The following MDGA2 variants were observed in gnomAD, a reference collection of about 807,000 sequenced individuals.
The protein encoded by MDGA2 is MAM domain-containing glycosylphosphatidylinositol anchor protein 2.
A neutral mutation model predicts 117.8 loss-of-function variants in MDGA2; 40 were observed. That is an observed-to-expected ratio of 0.34 (90% confidence interval 0.26 to 0.44). The LOEUF is 0.44. Among genes scored for constraint, MDGA2 ranks in the 20% least tolerant of loss-of-function variants. The pLI is 1.00. For missense variants in MDGA2, 1,123 were observed against 1,250.6 expected (o/e 0.90, Z 1.54); for synonymous variants, 452 against 439.0 (o/e 1.03, Z -0.37).
intron 3 of MDGA2, among the ~76,000 whole-genome samples, chr14:47,203,076 G>A (rs1242820644): frequency 6.6e-6 from 1 of 151,900 alleles, no homozygotes; most frequent in Non-Finnish European, 1.5e-5. Context: ...GAGAAGAAGA[G>A]TAAAAGCAAT....
chr14:47,498,383 A>G (rs1237319698), intron 1 of MDGA2, among the ~76,000 whole-genome samples: 1 of 152,174 alleles, frequency 6.6e-6, no homozygotes, highest in East Asian at 1.9e-4. Context: ...CAAAATGCTG[A>G]GCAAAGGATA....
At chr14:47,128,572 C>A (rs1305063295) in intron 5 of MDGA2, among the ~76,000 whole-genome samples, 1 of 151,954 alleles carries the variant, frequency 6.6e-6, no homozygotes, top group African/African-American at 2.4e-5. Context: ...TATATGTTAA[C>A]CTGTTTATTC....
chr14:46,866,047 A>T (rs1299981375), intron 14 of MDGA2, among the ~76,000 whole-genome samples: 2 of 151,450 alleles, frequency 1.3e-5, no homozygotes, highest in African/African-American at 4.8e-5. Context: ...ACTACTTTAA[A>T]GTTCATATGG....
intron 1 of MDGA2, among the ~76,000 whole-genome samples, chr14:47,627,688 G>A (rs1203458063): frequency 6.6e-6 from 1 of 152,142 alleles, no homozygotes; most frequent in Non-Finnish European, 1.5e-5. Flanking sequence ...CCGGATAAGA[G>A]AATAAAAGCA....
At chr14:47,068,011 C>A (rs954591771) in intron 6 of MDGA2, among the ~76,000 whole-genome samples, 1 of 152,050 alleles carries the variant, frequency 6.6e-6, no homozygotes, top group Admixed American at 6.5e-5. Context: ...ATACGTTACA[C>A]CCTTCCTGAA....
chr14:47,625,075 C>T (rs1276511882), intron 1 of MDGA2, among the ~76,000 whole-genome samples: 1 of 152,112 alleles, frequency 6.6e-6, no homozygotes, highest in Non-Finnish European at 1.5e-5. Flanking sequence ...CTTACAGGCC[C>T]TAAAAATTAA....
intron 1 of MDGA2, among the ~76,000 whole-genome samples, chr14:47,411,260 GACA>G (rs1211501008): frequency 4.0e-5 from 6 of 151,892 alleles, no homozygotes; most frequent in South Asian, 2.1e-4. Flanking sequence ...TTAGTGGTTA[GACA>G]ACAACAACAA....
chr14:47,590,994 A>C (rs986505549), intron 1 of MDGA2, among the ~76,000 whole-genome samples: 1 of 152,058 alleles, frequency 6.6e-6, no homozygotes, highest in Non-Finnish European at 1.5e-5. Flanking sequence ...TGTTAGAAAA[A>C]AAAAGTCAAT....
intron 1 of MDGA2, among the ~76,000 whole-genome samples, chr14:47,316,394 A>C (rs1420751853): frequency 6.6e-6 from 1 of 152,146 alleles, no homozygotes; most frequent in Non-Finnish European, 1.5e-5. Context: ...TTGCCCATGT[A>C]AAGAAATGAT....
chr14:47,441,246 G>C (rs1893005197), intron 1 of MDGA2, among the ~76,000 whole-genome samples: 1 of 152,152 alleles, frequency 6.6e-6, no homozygotes, highest in African/African-American at 2.4e-5. Context: ...AAGGGCAGCT[G>C]GTCACGGAAA....
intron 1 of MDGA2, among the ~76,000 whole-genome samples, chr14:47,651,615 G>C (rs991693720): frequency 6.6e-6 from 1 of 152,062 alleles, no homozygotes; most frequent in African/African-American, 2.4e-5. Flanking sequence ...ATGTATGGAT[G>C]TATGTAGGGA....
At chr14:46,990,031 T>C (rs1203065895) in intron 8 of MDGA2, among the ~76,000 whole-genome samples, 2 of 152,266 alleles carry the variant, frequency 1.3e-5, no homozygotes, top group South Asian at 2.1e-4. Flanking sequence ...TACTCTTCTA[T>C]ATAATACAAT....
chr14:47,226,016 C>A (rs889020210), intron 2 of MDGA2, among the ~76,000 whole-genome samples: 9 of 151,900 alleles, frequency 5.9e-5, no homozygotes, highest in East Asian at 5.8e-4. Flanking sequence ...TGGCCGGGAG[C>A]AGTGGCTCAC....
intron 3 of MDGA2, among the ~76,000 whole-genome samples, chr14:47,189,007 C>T (rs1285509304): frequency 2.0e-5 from 3 of 152,156 alleles, no homozygotes; most frequent in Non-Finnish European, 2.9e-5. Context: ...CTGTATAATA[C>T]TCTAAGCAGT....
chr14:47,284,952 GA>G (rs1282060262), intron 2 of MDGA2, among the ~76,000 whole-genome samples: 3 of 152,132 alleles, frequency 2.0e-5, no homozygotes, highest in Non-Finnish European at 4.4e-5. Context: ...AGGTGGACTA[GA>G]ATGCTTAGCA....
At chr14:47,554,272 A>C (rs912334959) in intron 1 of MDGA2, among the ~76,000 whole-genome samples, 1 of 152,226 alleles carries the variant, frequency 6.6e-6, no homozygotes, top group East Asian at 1.9e-4. Flanking sequence ...AAAAGCAAAT[A>C]TATGGATATG....
intron 1 of MDGA2, among the ~76,000 whole-genome samples, chr14:47,645,270 A>G (rs2900011): frequency 6.6e-6 from 1 of 151,006 alleles, no homozygotes. Flanking sequence ...TTTTAGAGGG[A>G]GTCCCGCTGT....
intron 1 of MDGA2, among the ~76,000 whole-genome samples, chr14:47,613,703 T>G (rs1242081117): frequency 6.6e-6 from 1 of 152,182 alleles, no homozygotes; most frequent in East Asian, 1.9e-4. Context: ...ATGATACATA[T>G]CTGTCCTATC....
chr14:47,394,636 A>G (rs1891967624), intron 1 of MDGA2, among the ~76,000 whole-genome samples: 2 of 152,284 alleles, frequency 1.3e-5, no homozygotes, highest in South Asian at 4.1e-4. Flanking sequence ...ATGCCTCTCT[A>G]TATTTGTTAC....
Sources: allele counts gnomAD v4.1 joint callset (sites outside exome capture counted in the v4.1 genomes callset), GRCh38; gene constraint gnomAD v4.1.1; transcripts MANE v1.5; gene names NCBI Gene and HGNC (gene_info 2026-07-23, HGNC 2026-07-21).